Variants in CCNY observed in about 807,000 individuals in gnomAD.
The protein encoded by CCNY is cyclin-Y.
CCNY carries 19 observed loss-of-function variants against 42.8 expected under a neutral mutation model. That is an observed-to-expected ratio of 0.44 (90% CI 0.31 to 0.65). The LOEUF (loss-of-function observed/expected upper bound fraction) is 0.65, where lower values mean the gene tolerates loss of function less well. Among genes scored for constraint, CCNY ranks in the 30% least tolerant of loss-of-function variants. The pLI, the probability that CCNY is intolerant of heterozygous loss-of-function variation, is 0.07. For missense variants in CCNY, 370 were observed against 437.3 expected, an observed-to-expected ratio of 0.85 and a Z score of 1.37; for synonymous variants, 165 against 162.7, an observed-to-expected ratio of 1.01 and a Z score of -0.11.
chr10:35,368,907 C>T (rs896589547), intron 1 of CCNY, among the ~76,000 whole-genome samples: 4 of 152,210 alleles, frequency 2.6e-5, no homozygotes, highest in South Asian at 4.1e-4. Context: ...GCCTAGTGAG[C>T]AGGGTCTCTG....
chr10:35,553,288 G>T, intron 8 of CCNY, 103 bp downstream of exon 8: 3 of 1,107,036 alleles, frequency 2.7e-6, no homozygotes, highest in Non-Finnish European at 3.8e-6. Context: ...CAGAATGCAT[G>T]CATTTGACTG....
intron 1 of CCNY, among the ~76,000 whole-genome samples, chr10:35,471,640 A>C (rs1037654715): frequency 6.6e-6 from 1 of 152,176 alleles, no homozygotes; most frequent in African/African-American, 2.4e-5. Context: ...CTTTGTGCTC[A>C]GCTGACACAT....
At chr10:35,454,858 T>G (rs1299934435) in intron 1 of CCNY, among the ~76,000 whole-genome samples, 1 of 152,190 alleles carries the variant, frequency 6.6e-6, no homozygotes, top group Admixed American at 6.5e-5. Flanking sequence ...CAACAAACCT[T>G]GCCCCACTGT....
chr10:35,437,006 C>T (rs574193575), intron 1 of CCNY, among the ~76,000 whole-genome samples: 2 of 152,286 alleles, frequency 1.3e-5, no homozygotes, highest in East Asian at 3.9e-4. Flanking sequence ...ACATGTCTTA[C>T]GTGTCAGCAG....
chr10:35,431,401 CCTCTCTCTCTCT>C (rs1177072692), intron 1 of CCNY, among the ~76,000 whole-genome samples: 9 of 3,060 alleles, frequency 2.9e-3, no homozygotes, highest in East Asian at 0.016. Context: ...CCCCTCCCCT[CCTCTCTCTCTCT>C]CTCTCTCTCT....
intron 3 of CCNY, among the ~76,000 whole-genome samples, chr10:35,301,737 C>T (rs1246460443): frequency 1.3e-5 from 2 of 152,092 alleles, no homozygotes; most frequent in African/African-American, 2.4e-5. Context: ...GCAAGTGATC[C>T]TCCTGCCTCA....
rs1464157578 is a variant in CCNY at position 35,570,448 on chromosome 10, G to A, written c.*1278G>A. On this transcript the variant is annotated 3_prime_UTR_variant, in exon 10 of 10. Coordinates refer to ENST00000374704, the MANE Select transcript of CCNY (RefSeq NM_145012.6). ...ACTTTTTCATTTTCTGACGATCCCT[G>A]ATTTCCTTATGGACTCAATAAGAAT... is the stretch of plus-strand genomic sequence containing the variant. 1.3e-5 allele frequency: 2 copies of A among 152,254 alleles called. No individual in the cohort carries two copies. Among genetic ancestry groups the A allele is most frequent in the Admixed American group, 1.3e-4 (2 of 15,262 alleles). The allele number at this position is 152,254 out of a possible 1,614,324, so 9.4% of individuals were successfully genotyped here.
rs1166538989 is a variant in CCNY, at chr10:35,336,928, C to T, written c.-126C>T. ...CGGCGGCCGGCCGCCGTTCCGCCCC[C>T]TCCCGTGGCGGCGAGCGGGCGGGCC... On this transcript the variant is annotated 5_prime_UTR_variant, in exon 1 of 10. Coordinates refer to ENST00000374704, the MANE Select transcript of CCNY (RefSeq NM_145012.6). The T allele has an allele frequency of 1.1e-4, 69 of 602,482 alleles. 2 individuals carry two copies. Among genetic ancestry groups the T allele is most frequent in the Non-Finnish European group, 1.5e-4 (68 of 464,936 alleles). 37.3% of individuals were successfully genotyped at this position (602,482 alleles called of 1,614,324 possible). A position where few individuals can be genotyped will look rare whatever the true frequency, so the allele number is the denominator to read the frequency against.
intron 5 of CCNY, among the ~76,000 whole-genome samples, chr10:35,529,600 C>G (rs1446569544): frequency 6.6e-6 from 1 of 152,052 alleles, no homozygotes; most frequent in African/African-American, 2.4e-5. Flanking sequence ...CAGTGGCTCA[C>G]ACCTGTAATC....
intron 1 of CCNY, among the ~76,000 whole-genome samples, chr10:35,367,676 T>C (rs1836838860): frequency 6.6e-6 from 1 of 152,242 alleles, no homozygotes; most frequent in Non-Finnish European, 1.5e-5. Context: ...TGCTGCTGCC[T>C]GGAGCAGTGT....
At chr10:35,366,564 A>G (rs1223126277) in intron 1 of CCNY, among the ~76,000 whole-genome samples, 5 of 152,234 alleles carry the variant, frequency 3.3e-5, no homozygotes. Flanking sequence ...GGAGACTCCA[A>G]GGTTTTTCAG....
At chr10:35,328,255 G>T (rs190507417) in intron 3 of CCNY, among the ~76,000 whole-genome samples, 2 of 152,074 alleles carry the variant, frequency 1.3e-5, no homozygotes, top group Admixed American at 1.3e-4. Flanking sequence ...CCTCTTTCCA[G>T]CCCAGTACCA....
intron 2 of CCNY, among the ~76,000 whole-genome samples, chr10:35,488,453 G>T (rs1321487004): frequency 6.6e-6 from 1 of 152,148 alleles, no homozygotes; most frequent in Admixed American, 6.5e-5. Flanking sequence ...CACCTCACTT[G>T]CATTCCCAGC....
At chr10:35,566,216 G>A (rs1219083985) in intron 9 of CCNY, 31 bp downstream of exon 9, 1 of 1,600,762 alleles carries the variant, frequency 6.2e-7, no homozygotes, top group Non-Finnish European at 8.5e-7. Flanking sequence ...GTTTTGTGGT[G>A]CAGTGTTGCC....
intron 1 of CCNY, among the ~76,000 whole-genome samples, chr10:35,345,253 T>G (rs1836275894): frequency 6.6e-6 from 1 of 152,190 alleles, no homozygotes; most frequent in South Asian, 2.1e-4. Flanking sequence ...CCTGACTTTT[T>G]AATGATTGCC....
intron 3 of CCNY, among the ~76,000 whole-genome samples, chr10:35,287,249 T>C (rs554715193): frequency 1.8e-4 from 27 of 152,342 alleles, no homozygotes; most frequent in African/African-American, 6.3e-4. Context: ...TAAAATTATT[T>C]TGAGGATATT....
At chr10:35,273,651 G>A (rs964247731) in intron 3 of CCNY, among the ~76,000 whole-genome samples, 121 of 152,230 alleles carry the variant, frequency 7.9e-4, no homozygotes, top group Middle Eastern at 3.4e-3. Flanking sequence ...TGCAGGTCAT[G>A]ATAAGCGTCT....
chr10:35,370,496 G>C (rs1277215361), intron 1 of CCNY, among the ~76,000 whole-genome samples: 1 of 151,716 alleles, frequency 6.6e-6, no homozygotes, highest in Non-Finnish European at 1.5e-5. Flanking sequence ...CTTGCTCTGT[G>C]CCTGGAAACA....
chr10:35,293,263 C>T (rs1043972741), intron 3 of CCNY, among the ~76,000 whole-genome samples: 9 of 152,150 alleles, frequency 5.9e-5, no homozygotes, highest in African/African-American at 2.2e-4. Context: ...TGTCTTGACA[C>T]CCTTGTCAAA....
Sources: gnomAD v4.1 joint callset for allele counts (sites outside exome capture counted in the v4.1 genomes callset) on GRCh38, gnomAD v4.1.1 for gene constraint, MANE v1.5 for transcripts, NCBI Gene and HGNC (gene_info 2026-07-23, HGNC 2026-07-21) for gene names.